The following AFG1L variants were observed in gnomAD, a reference collection of about 807,000 sequenced individuals.
AFG1L encodes the protein AFG1 like ATPase, also known as AFG1-like ATPase.
Under a neutral mutation model 62.2 loss-of-function variants are expected in AFG1L, and 53 were observed. That is an observed-to-expected ratio of 0.85 (90% CI 0.68 to 1.07). AFG1L has a LOEUF of 1.07. Among genes scored for constraint, AFG1L ranks in the 50% least tolerant of loss-of-function variants. The pLI, the probability that AFG1L is intolerant of heterozygous loss-of-function variation, is 0.00. For synonymous variants in AFG1L, 228 were observed against 210.3 expected (o/e 1.08, Z -0.73); for missense variants, 555 against 590.5 (o/e 0.94, Z 0.62).
At chr6:108,506,965 T>C (rs1774443789) in intron 10 of AFG1L, among the ~76,000 whole-genome samples, 1 of 152,220 alleles carries the variant, frequency 6.6e-6, no homozygotes, top group Admixed American at 6.5e-5. Flanking sequence ...CATGAATTTA[T>C]TGAAAACCAA....
At chr6:108,367,491 G>T (rs1779809140) in intron 6 of AFG1L, among the ~76,000 whole-genome samples, 1 of 152,076 alleles carries the variant, frequency 6.6e-6, no homozygotes. Flanking sequence ...AGAGTCAGCA[G>T]GATTTACTGA....
chr6:108,370,817 A>G (rs1439679246), intron 6 of AFG1L, among the ~76,000 whole-genome samples: 1 of 152,104 alleles, frequency 6.6e-6, no homozygotes, highest in Non-Finnish European at 1.5e-5. Flanking sequence ...TCCTCTCTCT[A>G]TTAATCGTTT....
chr6:108,470,588 C>T (rs1272620635), intron 8 of AFG1L, among the ~76,000 whole-genome samples: 1 of 152,156 alleles, frequency 6.6e-6, no homozygotes, highest in African/African-American at 2.4e-5. Context: ...GCTTACTCTT[C>T]CATTGTATAA....
intron 10 of AFG1L, among the ~76,000 whole-genome samples, chr6:108,500,164 G>GTGCA (rs1774130101): frequency 8.4e-6 from 1 of 118,644 alleles, no homozygotes; most frequent in Non-Finnish European, 1.7e-5. Context: ...GTATTCCATG[G>GTGCA]TGCGTGCGTG....
At chr6:108,340,643 G>C (rs189169163) in intron 2 of AFG1L, among the ~76,000 whole-genome samples, 1 of 152,190 alleles carries the variant, frequency 6.6e-6, no homozygotes, top group East Asian at 1.9e-4. Context: ...GGGATTACAG[G>C]TGTGAGCTTT....
chr6:108,400,686 T>C (rs1562134711), intron 6 of AFG1L, among the ~76,000 whole-genome samples: 1 of 88,962 alleles, frequency 1.1e-5, no homozygotes, highest in East Asian at 2.4e-4. Flanking sequence ...ATATATTATA[T>C]AATTATATAT....
chr6:108,422,508 A>AAAAAAAAAAAAAAAAATAT (rs1770646756), intron 7 of AFG1L, among the ~76,000 whole-genome samples: 1 of 150,554 alleles, frequency 6.6e-6, no homozygotes, highest in African/African-American at 2.4e-5. Context: ...AAGAAGAAGA[A>AAAAAAAAAAAAAAAAATAT]ATGCTCTATT....
intron 6 of AFG1L, among the ~76,000 whole-genome samples, chr6:108,390,243 A>G (rs991072439): frequency 6.6e-6 from 1 of 151,900 alleles, no homozygotes; most frequent in African/African-American, 2.4e-5. Flanking sequence ...ACTTCTCTAC[A>G]CTGGTTATTC....
At chr6:108,431,189 C>T (rs7738335) in intron 7 of AFG1L, among the ~76,000 whole-genome samples, 4,575 of 152,060 alleles carry the variant, frequency 0.03, 244 homozygotes, top group African/African-American at 0.1. Context: ...CTGCAACCTC[C>T]GCCTCCCAGG....
In AFG1L at chr6:108,436,772, T is replaced by A. The variant is rs1771330617; in HGVS notation, c.808-10442T>A. Among the ~76,000 whole-genome samples, 3 of 152,248 alleles carry A rather than the reference T, an allele frequency of 2.0e-5. No individual in the cohort carries two copies. The South Asian group carries it at 6.2e-4, about 31-fold the overall frequency. ...ATGGACAAGTTACTTAGCCTCTCTG[T>A]GCTTTAGTTTCTTCATCCATTTGTA... On this transcript the variant is annotated intron_variant, in intron 7 of 12. Transcript: ENST00000368977.
chr6:108,466,782 T>A (rs968254870), intron 8 of AFG1L, among the ~76,000 whole-genome samples: 5 of 148,250 alleles, frequency 3.4e-5, no homozygotes, highest in Admixed American at 2.0e-4. Context: ...TTAAAAAATA[T>A]ATATATTTTA....
intron 7 of AFG1L, among the ~76,000 whole-genome samples, chr6:108,444,427 A>G (rs567895631): frequency 6.6e-6 from 1 of 152,270 alleles, no homozygotes; most frequent in East Asian, 1.9e-4. Flanking sequence ...TGGCTGTGGC[A>G]GTTTCTTAAG....
At chr6:108,466,609 G>A (rs1772674213) in intron 8 of AFG1L, among the ~76,000 whole-genome samples, 1 of 151,954 alleles carries the variant, frequency 6.6e-6, no homozygotes, top group Admixed American at 6.6e-5. Flanking sequence ...AAGGCCACAT[G>A]AGGACATAGT....
At chr6:108,312,962 C>G (rs911110453) in intron 1 of AFG1L, among the ~76,000 whole-genome samples, 3 of 152,156 alleles carry the variant, frequency 2.0e-5, no homozygotes, top group African/African-American at 7.2e-5. Flanking sequence ...TAAGATGCAG[C>G]AGTCCAGGTA....
intron 2 of AFG1L, among the ~76,000 whole-genome samples, chr6:108,346,529 C>T (rs536644349): frequency 1.3e-5 from 2 of 152,094 alleles, no homozygotes; most frequent in Non-Finnish European, 2.9e-5. Context: ...CCATGCCTGG[C>T]TAATTCTTTT....
chr6:108,510,672 T>C (rs1318290716), intron 11 of AFG1L, among the ~76,000 whole-genome samples: 1 of 152,254 alleles, frequency 6.6e-6, no homozygotes, highest in Non-Finnish European at 1.5e-5. Context: ...GATTGCATCA[T>C]TCTACCAGAC....
chr6:108,485,156 G>C (rs1456827408), intron 10 of AFG1L, among the ~76,000 whole-genome samples: 2 of 152,174 alleles, frequency 1.3e-5, no homozygotes, highest in East Asian at 3.9e-4. Context: ...CCCAGCTTCT[G>C]TTCCCAAACT....
chr6:108,505,700 CA>C (rs767135196), intron 10 of AFG1L, among the ~76,000 whole-genome samples: 2 of 152,030 alleles, frequency 1.3e-5, no homozygotes, highest in African/African-American at 2.4e-5. Flanking sequence ...AGTGCAGTAA[CA>C]AAAATTAAGG....
At chr6:108,355,043 A>G (rs1334917392) in intron 3 of AFG1L, among the ~76,000 whole-genome samples, 1 of 152,012 alleles carries the variant, frequency 6.6e-6, no homozygotes, top group African/African-American at 2.4e-5. Flanking sequence ...TCTAATCTAC[A>G]TATATGATTC....
Sources: allele counts gnomAD v4.1 joint callset (sites outside exome capture counted in the v4.1 genomes callset), GRCh38; gene constraint gnomAD v4.1.1; transcripts MANE v1.5; gene names NCBI Gene and HGNC (gene_info 2026-07-23, HGNC 2026-07-21).